Variants in MAGI1 observed in about 807,000 individuals in gnomAD.
MAGI1 encodes the protein membrane-associated guanylate kinase, WW and PDZ domain-containing protein 1.
Under a neutral mutation model 139.9 loss-of-function variants are expected in MAGI1, and 58 were observed. The observed-to-expected ratio is 0.41, with a 90% CI of 0.34 to 0.52. The LOEUF (loss-of-function observed/expected upper bound fraction) is 0.52. MAGI1 is among the 20% of genes least tolerant of loss of function. MAGI1 has a pLI of 0.12. For missense variants in MAGI1, 1,874 were observed against 1,901.6 expected, an observed-to-expected ratio of 0.99 and a Z score of 0.27; for synonymous variants, 812 against 737.9, an observed-to-expected ratio of 1.10 and a Z score of -1.63.
chr3:65,438,097 C>T (rs7633697), intron 9 of MAGI1, among the ~76,000 whole-genome samples: 6,972 of 152,204 alleles, frequency 0.046, 535 homozygotes, highest in African/African-American at 0.16. Flanking sequence ...TGCAGCACTA[C>T]TCACAACAGC....
At chr3:65,647,490 C>CAAAT (rs1198155439) in intron 1 of MAGI1, among the ~76,000 whole-genome samples, 1 of 152,014 alleles carries the variant, frequency 6.6e-6, no homozygotes. Context: ...TTCTAAAAAA[C>CAAAT]AAACAAACAA....
At chr3:65,662,860 A>C (rs560052293) in intron 1 of MAGI1, among the ~76,000 whole-genome samples, 34 of 152,116 alleles carry the variant, frequency 2.2e-4, no homozygotes, top group African/African-American at 8.0e-4. Flanking sequence ...TTCTGCCCCA[A>C]CTCCCTGCCC....
intron 1 of MAGI1, among the ~76,000 whole-genome samples, chr3:65,694,286 C>T (rs902490497): frequency 1.3e-5 from 2 of 152,174 alleles, no homozygotes; most frequent in African/African-American, 4.8e-5. Flanking sequence ...GTGTCATACA[C>T]TGCACTAAGC....
intron 1 of MAGI1, among the ~76,000 whole-genome samples, chr3:65,733,825 C>T (rs1432590246): frequency 1.3e-5 from 2 of 152,146 alleles, no homozygotes; most frequent in Admixed American, 6.5e-5. Context: ...ATGGACACTT[C>T]CAAGAAGGGA....
intron 1 of MAGI1, among the ~76,000 whole-genome samples, chr3:65,950,485 G>A (rs2063784237): frequency 2.6e-5 from 4 of 152,180 alleles, no homozygotes; most frequent in African/African-American, 9.6e-5. Context: ...GAGAATCCAT[G>A]AAAAACTAAT....
chr3:65,808,417 T>C (rs1306623206), intron 1 of MAGI1, among the ~76,000 whole-genome samples: 1 of 151,928 alleles, frequency 6.6e-6, no homozygotes, highest in Non-Finnish European at 1.5e-5. Context: ...GAGAATAGCT[T>C]GAAGCTGGGA....
chr3:65,610,543 C>T (rs1048131173), intron 2 of MAGI1, among the ~76,000 whole-genome samples: 3 of 151,086 alleles, frequency 2.0e-5, no homozygotes, highest in African/African-American at 7.3e-5. Flanking sequence ...TCCCAAGTCA[C>T]TAATTAAGTG....
rs763041850 is a variant in MAGI1, at chr3:65,448,033, T to A, written c.1067A>T (p.Asp356Val). 1.6e-5 allele frequency: 26 copies of A among 1,613,966 alleles called. No homozygotes were observed. The highest frequency in any genetic ancestry group is 2.2e-5 in the Non-Finnish European group (26 of 1,180,012). ...DDEGVHTEEL[D>V]SELELPAGWE... ...CAGGGAGGGTTTACCTAGTTCACTG[T>A]CCAGCTCCTCGGTGTGTACCCCTTC... is the stretch of plus-strand genomic sequence containing the variant. The change falls in exon 7 of 23, where the codon GAC (aspartate) becomes GTC (valine). Residue 356 changes from aspartate (D) to valine (V), a missense_variant. Transcript: ENST00000402939.
At chr3:65,684,659 G>A (rs1474640954) in intron 1 of MAGI1, among the ~76,000 whole-genome samples, 2 of 151,962 alleles carry the variant, frequency 1.3e-5, no homozygotes, top group Non-Finnish European at 2.9e-5. Flanking sequence ...GCACAAAAAA[G>A]TATAAGTAAA....
intron 1 of MAGI1, among the ~76,000 whole-genome samples, chr3:65,717,045 C>A (rs981616977): frequency 6.6e-6 from 1 of 152,076 alleles, no homozygotes; most frequent in Non-Finnish European, 1.5e-5. Context: ...AAGTAAAGGA[C>A]CTTGAGATGG....
chr3:65,643,290 T>C (rs1438744228), intron 1 of MAGI1, among the ~76,000 whole-genome samples: 1 of 152,168 alleles, frequency 6.6e-6, no homozygotes, highest in Non-Finnish European at 1.5e-5. Flanking sequence ...TATTCTACTT[T>C]AAAACCATGT....
chr3:65,470,019 A>C, intron 5 of MAGI1: 1 of 172,824 alleles, frequency 5.8e-6, no homozygotes, highest in East Asian at 1.5e-4. Context: ...TTTGAATATT[A>C]TGTCATAATT....
chr3:65,639,607 C>T (rs1052425450), intron 1 of MAGI1, among the ~76,000 whole-genome samples: 11 of 152,150 alleles, frequency 7.2e-5, no homozygotes, highest in Non-Finnish European at 1.3e-4. Context: ...TTTGTATCAA[C>T]GGACTGAGTA....
chr3:66,007,480 C>T (rs2067086851), intron 1 of MAGI1, among the ~76,000 whole-genome samples: 1 of 152,154 alleles, frequency 6.6e-6, no homozygotes, highest in African/African-American at 2.4e-5. Flanking sequence ...AGCATGTCAC[C>T]AACACAGTCC....
At chr3:65,590,018 C>T (rs1229744097) in intron 2 of MAGI1, among the ~76,000 whole-genome samples, 1 of 152,124 alleles carries the variant, frequency 6.6e-6, no homozygotes, top group Non-Finnish European at 1.5e-5. Context: ...GAAACACCAG[C>T]CTCTTATGAC....
In MAGI1 at chr3:65,383,527, C is replaced by T. The variant is rs1943222814; in HGVS notation, c.2508+5G>A. Reference sequence around the variant, plus strand: ...GCTGGGAAGAGAGACAAGCAAAAGACTCACAGGTTCCCCTGGTTCATTTCC... The same window carrying T: ...GCTGGGAAGAGAGACAAGCAAAAGATTCACAGGTTCCCCTGGTTCATTTCC... On this transcript the variant is annotated splice_donor_5th_base_variant and intron_variant, in intron 15 of 22. Coordinates refer to ENST00000402939, the MANE Select transcript of MAGI1 (RefSeq NM_001033057.2). 1 of 1,607,060 alleles carries T rather than the reference C, an allele frequency of 6.2e-7. No homozygotes were observed. The highest frequency in any genetic ancestry group is 1.7e-5 in the Admixed American group (1 of 59,980).
chr3:65,843,091 G>A (rs2058863378), intron 1 of MAGI1, among the ~76,000 whole-genome samples: 1 of 152,140 alleles, frequency 6.6e-6, no homozygotes, highest in African/African-American at 2.4e-5. Context: ...CATAAATGTA[G>A]TACTGGCTTA....
intron 1 of MAGI1, among the ~76,000 whole-genome samples, chr3:65,984,248 T>C (rs1429843742): frequency 6.6e-6 from 1 of 152,156 alleles, no homozygotes; most frequent in Non-Finnish European, 1.5e-5. Context: ...GAGCCAAGAT[T>C]GTGCCATTGC....
intron 22 of MAGI1, 162 bp downstream of exon 22, chr3:65,361,037 T>C: frequency 2.0e-6 from 3 of 1,509,034 alleles, no homozygotes; most frequent in East Asian, 2.3e-5. Context: ...ATGAAATGTG[T>C]AGAGATTTCA....
Sources: allele counts gnomAD v4.1 joint callset (sites outside exome capture counted in the v4.1 genomes callset), GRCh38; gene constraint gnomAD v4.1.1; transcripts MANE v1.5; gene names NCBI Gene and HGNC (gene_info 2026-07-23, HGNC 2026-07-21).